TBC1D9: variants seen among roughly 807,000 people sequenced by gnomAD.
TBC1D9 encodes TBC1 domain family member 9A.
TBC1D9 carries 63 observed loss-of-function variants against 132.0 expected under a neutral mutation model. That is an observed-to-expected ratio of 0.48 (90% CI 0.39 to 0.59). TBC1D9 has a LOEUF of 0.59. Among genes scored for constraint, TBC1D9 ranks in the 20% least tolerant of loss-of-function variants. The pLI is 0.00. For synonymous variants in TBC1D9, 610 were observed against 609.9 expected (o/e 1.00, Z 0.00); for missense variants, 1,261 against 1,592.7 (o/e 0.79, Z 3.54).
chr4:140,734,497 C>T (rs1167285703), intron 1 of TBC1D9, among the ~76,000 whole-genome samples: 1 of 152,094 alleles, frequency 6.6e-6, no homozygotes, highest in Non-Finnish European at 1.5e-5. Flanking sequence ...CATATTAGGC[C>T]ATACATAACG....
At chr4:140,676,863 C>T (rs370257650) in intron 6 of TBC1D9, 31 bp downstream of exon 6, 1 of 1,607,676 alleles carries the variant, frequency 6.2e-7, no homozygotes, top group Non-Finnish European at 8.5e-7. Context: ...ACAAATGAAA[C>T]TTAAAATATC....
intron 13 of TBC1D9, chr4:140,643,379 C>T: frequency 7.9e-7 from 1 of 1,271,576 alleles, no homozygotes; most frequent in East Asian, 2.5e-5. Flanking sequence ...GAGGCCTGGC[C>T]TGGGGCAGCT....
chr4:140,674,516 A>T (rs1416129247), intron 6 of TBC1D9, among the ~76,000 whole-genome samples: 4 of 152,050 alleles, frequency 2.6e-5, no homozygotes. Flanking sequence ...AAACTGCAGG[A>T]TTTAAAATTT....
At chr4:140,642,143 C>G (rs1444750094) in intron 13 of TBC1D9, 1 of 764,846 alleles carries the variant, frequency 1.3e-6, no homozygotes, top group Non-Finnish European at 2.4e-6. Context: ...CCTTGCTGTC[C>G]TTTGCCACCA....
At chr4:140,696,056 G>A (rs564544534) in intron 2 of TBC1D9, among the ~76,000 whole-genome samples, 18 of 152,196 alleles carry the variant, frequency 1.2e-4, no homozygotes, top group African/African-American at 2.7e-4. Flanking sequence ...TGAAATGGTC[G>A]TTGTTTAGGA....
intron 13 of TBC1D9, chr4:140,642,627 A>G: frequency 1.3e-6 from 1 of 772,946 alleles, no homozygotes. Context: ...TGACTTATGA[A>G]CTTAGACGAA....
At chr4:140,740,096 C>T (rs1366547422) in intron 1 of TBC1D9, among the ~76,000 whole-genome samples, 2 of 152,176 alleles carry the variant, frequency 1.3e-5, no homozygotes, top group Non-Finnish European at 2.9e-5. Flanking sequence ...GTGCTCCTTG[C>T]ACCCAGATAT....
Position 140,661,072 on chromosome 4 carries a change from G to A in TBC1D9, c.1803+821C>T, listed in dbSNP as rs542332546. ...TGGGACTACAGGCACCTGCCACCAC[G>A]CCTGGCTAATTTTTTGTATTTTTAG... On this transcript the variant is annotated intron_variant, in intron 10 of 20. Transcript: ENST00000442267. 5.3e-3 allele frequency among the ~76,000 whole-genome samples: 803 copies of A among 152,142 alleles called. 3 individuals carry two copies. Among genetic ancestry groups the A allele is most frequent in the Non-Finnish European group, 9.0e-3 (611 of 67,996 alleles).
intron 2 of TBC1D9, among the ~76,000 whole-genome samples, chr4:140,700,327 G>A (rs1738045730): frequency 6.6e-6 from 1 of 151,734 alleles, no homozygotes; most frequent in Admixed American, 6.6e-5. Flanking sequence ...GCATGAGCCT[G>A]TAATCCCAGC....
intron 13 of TBC1D9, among the ~76,000 whole-genome samples, chr4:140,656,481 C>A (rs1560875412): frequency 2.6e-5 from 4 of 152,138 alleles, no homozygotes; most frequent in African/African-American, 9.7e-5. Context: ...ATCACCAGAC[C>A]CTGGGCTGAC....
At position 140,621,082 on chromosome 4, in the gene TBC1D9, G is replaced by A. The variant is rs551838183; in HGVS notation, c.*1113C>T. On this transcript the variant is annotated 3_prime_UTR_variant, in exon 21 of 21. Coordinates refer to ENST00000442267, the MANE Select transcript of TBC1D9 (RefSeq NM_015130.3). Reference sequence around the variant, plus strand: ...AAGCAAGAATTCAAAGTGCAGGTGCGCTAGCTTTCATTTCCACATCCATTC... The same window carrying A: ...AAGCAAGAATTCAAAGTGCAGGTGCACTAGCTTTCATTTCCACATCCATTC... 2 of 152,690 alleles carry A rather than the reference G, an allele frequency of 1.3e-5. No homozygotes were observed. The highest frequency in any genetic ancestry group is 1.9e-4 in the East Asian group (1 of 5,194). 9.5% of individuals were successfully genotyped at this position (152,690 alleles called of 1,614,324 possible). A position where few individuals can be genotyped will look rare whatever the true frequency, so the allele number is the denominator to read the frequency against.
intron 1 of TBC1D9, among the ~76,000 whole-genome samples, chr4:140,751,658 G>A (rs937604907): frequency 6.6e-6 from 1 of 152,066 alleles, no homozygotes; most frequent in African/African-American, 2.4e-5. Context: ...GAGTAAATAG[G>A]TAAGGAACAA....
intron 18 of TBC1D9, among the ~76,000 whole-genome samples, chr4:140,625,073 G>T (rs887786504): frequency 6.6e-6 from 1 of 152,030 alleles, no homozygotes; most frequent in African/African-American, 2.4e-5. Context: ...AAATTAATGG[G>T]ATAATGCCAC....
intron 13 of TBC1D9, chr4:140,644,213 C>A: frequency 3.0e-6 from 1 of 336,252 alleles, no homozygotes; most frequent in African/African-American, 2.2e-5. Flanking sequence ...AGAACAAGGC[C>A]TGGAAAGTGC....
At chr4:140,623,169 C>T (rs1736648438) in intron 20 of TBC1D9, among the ~76,000 whole-genome samples, 1 of 152,168 alleles carries the variant, frequency 6.6e-6, no homozygotes, top group Non-Finnish European at 1.5e-5. Flanking sequence ...ACTGCAGCCT[C>T]AACATCCTGG....
At chr4:140,703,746 T>C (rs1276771234) in intron 1 of TBC1D9, among the ~76,000 whole-genome samples, 2 of 152,212 alleles carry the variant, frequency 1.3e-5, no homozygotes, top group African/African-American at 2.4e-5. Context: ...TTTTGCTCAA[T>C]AGAAATTAAC....
Position 140,678,977 on chromosome 4 carries a change from T to C in TBC1D9, c.816A>G (p.Lys272=). The C allele has an allele frequency of 6.2e-7, 1 of 1,613,878 alleles. No individual in the cohort carries two copies. Among genetic ancestry groups the C allele is most frequent in the East Asian group, 2.2e-5 (1 of 44,876 alleles). The change falls in exon 5 of 21, where the codon AAA becomes AAG. Residue 272 remains lysine, a synonymous_variant. Transcript: ENST00000442267. ...CAGACACTTTTTTAGGAGATTTCCT[T>C]TTGAGTTTGGGCAGGGATCGATCTT... ...FEQDRSLPKL[K]RKSPKKVSAL...
chr4:140,625,295 T>A (rs1399731920), intron 18 of TBC1D9, among the ~76,000 whole-genome samples: 1 of 152,234 alleles, frequency 6.6e-6, no homozygotes, highest in Non-Finnish European at 1.5e-5. Flanking sequence ...TGTTACATGC[T>A]ATAAAACTAC....
At chr4:140,628,473 T>C in intron 16 of TBC1D9, 108 bp from the exon 17 acceptor site, 2 of 1,052,314 alleles carry the variant, frequency 1.9e-6, no homozygotes, top group Non-Finnish European at 2.9e-6. Context: ...ACCAAGACAT[T>C]GTGTGGTGAA....
Sources: allele counts gnomAD v4.1 joint callset (sites outside exome capture counted in the v4.1 genomes callset), GRCh38; gene constraint gnomAD v4.1.1; transcripts MANE v1.5; gene names NCBI Gene and HGNC (gene_info 2026-07-23, HGNC 2026-07-21).